The following NPHP3 variants were observed in gnomAD, a reference collection of about 807,000 sequenced individuals.
NPHP3 encodes the protein nephrocystin 3.
A neutral mutation model predicts 171.9 loss-of-function variants in NPHP3; 123 were observed. That is an observed-to-expected ratio of 0.72 (90% CI 0.62 to 0.83). The LOEUF (loss-of-function observed/expected upper bound fraction) is 0.83, where lower values mean the gene tolerates loss of function less well. Among genes scored for constraint, NPHP3 ranks in the 40% least tolerant of loss-of-function variants. NPHP3 has a pLI of 0.00. For synonymous variants in NPHP3, 558 were observed against 579.2 expected (o/e 0.96, Z 0.52); for missense variants, 1,506 against 1,591.9 (o/e 0.95, Z 0.92).
chr3:132,685,288 ATTT>A (rs1024995964), intron 23 of NPHP3: 6 of 156,488 alleles, frequency 3.8e-5, no homozygotes, highest in African/African-American at 1.4e-4. Flanking sequence ...TAATTTATTA[ATTT>A]TTTTTGTAGA....
At position 132,696,797 on chromosome 3, in the gene NPHP3, C is replaced by T. The variant is rs889394540; in HGVS notation, c.2105G>A (p.Arg702Gln). Residue 702 changes from arginine (R) to glutamine (Q), a missense_variant, in exon 15 of 27, where the codon CGA becomes CAA. Around this residue, in one of 3 missense-constraint regions of NPHP3, gnomAD observed 930 missense variants for 924.9 expected, o/e 1.01. Transcript: ENST00000337331. ...LSKEQEKKLE[R>Q]HCRSATTCNA... ...GCAGGTTGTAGCAGAACGACAGTGT[C>T]GTTCTAGCTTCTTCTCCTGCACCAG... 4.3e-6 allele frequency: 7 copies of T among 1,613,874 alleles called. No homozygotes were observed. The highest frequency in any genetic ancestry group is 2.2e-5 in the East Asian group (1 of 44,866).
At position 132,697,362 on chromosome 3, in the gene NPHP3, C is replaced by T. The variant is rs77533254; in HGVS notation, c.1986G>A (p.Arg662=). ...VNVETCPPAW[R]LWPTLHLDPL... ...GATCAAGATGAAGTGTAGGCCACAA[C>T]CTTTTATGTAAAGAAAAGAAAAATG... Residue 662 remains arginine, a splice_region_variant and synonymous_variant, in exon 14 of 27, where the codon AGG becomes AGA. Coordinates refer to ENST00000337331, the MANE Select transcript of NPHP3 (RefSeq NM_153240.5). The T allele has an allele frequency of 2.5e-3, 3,951 of 1,593,446 alleles. 85 individuals carry two copies. In the African/African-American group the frequency reaches 0.047, roughly 19 times the overall value.
In NPHP3 at chr3:132,681,878, G is replaced by A. The variant is rs774591752; in HGVS notation, c.*32C>T. On this transcript the variant is annotated 3_prime_UTR_variant, in exon 27 of 27. Coordinates refer to ENST00000337331, the MANE Select transcript of NPHP3 (RefSeq NM_153240.5). ...CAAATGTTTAATTATTTTGTCTTAA[G>A]GTACATTTGCAAAGAATTCTAACTG... 5 of 1,571,242 alleles carry A rather than the reference G, an allele frequency of 3.2e-6. No homozygotes were observed. In the South Asian group the frequency reaches 5.5e-5, roughly 17 times the overall value.
At position 132,716,852 on chromosome 3, in the gene NPHP3, A is replaced by G. The variant is rs1940065565; in HGVS notation, c.728T>C (p.Ile243Thr). ...TGGALGSEPS[I>T]GSMIQLQQSF... ...CTGCTGAAGCTGGATCATGCTTCCT[A>G]TGGAAGGTTCACTTCCCAAGGCTCC... Residue 243 changes from isoleucine to threonine, a missense_variant, in exon 4 of 27, where the codon ATA (isoleucine) becomes ACA (threonine). This residue lies in a region of NPHP3 where 930 missense variants were observed against 924.9 expected (regional missense o/e 1.01). Transcript: ENST00000337331. The G allele has an allele frequency of 2.5e-6, 4 of 1,613,996 alleles. No individual in the cohort carries two copies. The highest frequency in any genetic ancestry group is 2.2e-5 in the South Asian group (2 of 91,090).
Position 132,716,695 on chromosome 3 carries a change from A to G in NPHP3, c.823+62T>C. 14 of 1,557,356 alleles carry G rather than the reference A, an allele frequency of 9.0e-6. No homozygotes were observed. In the South Asian group the frequency reaches 1.6e-4, roughly 17 times the overall value. ...TAATGGTATTAATAGTTCCAGCACA[A>G]GATTATAAAACATGAACAGTCACTA... On this transcript the variant is annotated intron_variant, in intron 4 of 26. Coordinates refer to ENST00000337331, the MANE Select transcript of NPHP3 (RefSeq NM_153240.5).
At chr3:132,703,370 T>A (rs947651461) in intron 9 of NPHP3, among the ~76,000 whole-genome samples, 3 of 152,170 alleles carry the variant, frequency 2.0e-5, no homozygotes, top group Non-Finnish European at 4.4e-5. Flanking sequence ...ACTATTATAT[T>A]TTTTTAACTT....
At chr3:132,701,286 G>A in intron 10 of NPHP3, 144 bp downstream of exon 10, 1 of 638,166 alleles carries the variant, frequency 1.6e-6, no homozygotes, top group Non-Finnish European at 2.9e-6. Flanking sequence ...TGCATTTCAG[G>A]GCATGAACCT....
At chr3:132,704,139 C>T (rs1380761834) in intron 9 of NPHP3, 59 bp downstream of exon 9, 1 of 1,474,536 alleles carries the variant, frequency 6.8e-7, no homozygotes, top group Non-Finnish European at 9.5e-7. Flanking sequence ...AAAATACAAT[C>T]ATAATACAGC....
At chr3:132,708,071 G>C (rs751644883) in intron 7 of NPHP3, 30 bp downstream of exon 7, 204 of 1,610,604 alleles carry the variant, frequency 1.3e-4, no homozygotes, top group Non-Finnish European at 1.6e-4. Context: ...TCAGCTAAGT[G>C]TGTTTTTCAA....
In NPHP3 at chr3:132,692,808, A is replaced by C. The variant is rs1359908663; in HGVS notation, c.2321T>G (p.Leu774Arg). 9 of 1,613,862 alleles carry C rather than the reference A, an allele frequency of 5.6e-6. No individual in the cohort carries two copies. Among genetic ancestry groups the C allele is most frequent in the Non-Finnish European group, 7.6e-6 (9 of 1,179,876 alleles). Residue 774 changes from leucine (L) to arginine (R), a missense_variant, in exon 17 of 27, where the codon CTT becomes CGT. Leu to Arg is a moderately radical substitution (Grantham distance 102, BLOSUM62 -2). Transcript: ENST00000337331. Reference protein sequence around the residue: ...DKELMKQILCLVNVSHNGVSE... With the variant: ...DKELMKQILCRVNVSHNGVSE... ...CACACCATTGTGACTAACATTGACA[A>C]GGCAGAGGATCTAGGTAGAAAAACA...
Position 132,721,962 on chromosome 3 carries a change from C to G in NPHP3, c.393+1G>C, listed in dbSNP as rs754332448. The G allele has an allele frequency of 3.1e-6, 5 of 1,612,504 alleles. No individual in the cohort carries two copies. Among genetic ancestry groups the G allele is most frequent in the Non-Finnish European group, 4.2e-6 (5 of 1,179,826 alleles). On this transcript the variant is annotated splice_donor_variant, in intron 1 of 26. Coordinates refer to ENST00000337331, the MANE Select transcript of NPHP3 (RefSeq NM_153240.5). LOFTEE classifies it high-confidence loss of function. ...GGCGTCGCGGCCCAGCCCGGCGTTA[C>G]CTGCAGTTCGGCCCGCAGCCGCTTG... is the stretch of plus-strand genomic sequence containing the variant.
chr3:132,719,047 T>C lies in NPHP3; in HGVS notation c.617A>G (p.Gln206Arg). ...KLQRLQAQGI[Q>R]VFDPGESDSD... The stretch of plus-strand genomic sequence containing the variant: ...ATCAGACTCCCCAGGATCAAATACT[T>C]GGATACCCTGAGCCTGTAGCCTCTG... Residue 206 changes from glutamine (Q) to arginine (R), a missense_variant, in exon 3 of 27, where the codon CAA (glutamine) becomes CGA (arginine). Around this residue, in one of 3 missense-constraint regions of NPHP3, gnomAD observed 930 missense variants for 924.9 expected, o/e 1.01. Coordinates refer to ENST00000337331, the MANE Select transcript of NPHP3 (RefSeq NM_153240.5). The C allele has an allele frequency of 6.2e-7, 1 of 1,614,088 alleles. No homozygotes were observed. Among genetic ancestry groups the C allele is most frequent in the South Asian group, 1.1e-5 (1 of 91,078 alleles).
In NPHP3 at chr3:132,683,404, G is replaced by T; in HGVS notation, c.3691C>A (p.Gln1231Lys). ...ALVNLAVLYS[Q>K]MKKHVEALPL... ...GTTAAAATATGGGAACTTACCATTT[G>T]GCTATAAAGAACAGCTAAGTTCACC... The change falls in exon 25 of 27, where the codon CAA becomes AAA. Residue 1231 changes from glutamine to lysine, a missense_variant. This residue lies in a region of NPHP3 where 569 missense variants were observed against 648.1 expected (regional missense o/e 0.88). Transcript: ENST00000337331. 6.2e-7 allele frequency: 1 copy of T among 1,612,478 alleles called. No homozygotes were observed. Among genetic ancestry groups the T allele is most frequent in the South Asian group, 1.1e-5 (1 of 91,002 alleles).
At chr3:132,690,499 G>C in intron 19 of NPHP3, 29 bp downstream of exon 19, 1 of 1,595,736 alleles carries the variant, frequency 6.3e-7, no homozygotes, top group Non-Finnish European at 8.6e-7. Context: ...CTCTCTTTCT[G>C]GGGAAAGATG....
At chr3:132,699,312 A>C (rs1226642621) in intron 13 of NPHP3, 41 bp downstream of exon 13, 2 of 1,362,990 alleles carry the variant, frequency 1.5e-6, no homozygotes, top group Non-Finnish European at 2.1e-6. Flanking sequence ...TGTACTTAAA[A>C]CATTTCATGT....
At chr3:132,719,298 T>C (rs1356428363) in intron 2 of NPHP3, among the ~76,000 whole-genome samples, 154 bp from the exon 3 acceptor site, 1 of 152,202 alleles carries the variant, frequency 6.6e-6, no homozygotes, top group Non-Finnish European at 1.5e-5. Context: ...ACCTTTACCT[T>C]ACTGTTTTGC....
chr3:132,718,177 T>C, intron 3 of NPHP3: 2 of 425,446 alleles, frequency 4.7e-6, no homozygotes, highest in Non-Finnish European at 9.3e-6. Context: ...AATGCATCCA[T>C]TTGTGAGAAT....
chr3:132,704,196 A>G lies in NPHP3; in HGVS notation c.1524+2T>C, dbSNP rs764021608. 1 of 1,614,064 alleles carries G rather than the reference A, an allele frequency of 6.2e-7. No individual in the cohort carries two copies. Among genetic ancestry groups the G allele is most frequent in the Non-Finnish European group, 8.5e-7 (1 of 1,179,896 alleles). On this transcript the variant is annotated splice_donor_variant, in intron 9 of 26. Coordinates refer to ENST00000337331, the MANE Select transcript of NPHP3 (RefSeq NM_153240.5). LOFTEE classifies it high-confidence loss of function. ...TGTTGCAATAATACTCCAAGCACTT[A>G]CTTTCTCAAATCCCAACTCATGGGC...
At chr3:132,712,003 T>C (rs1398539617) in intron 6 of NPHP3, among the ~76,000 whole-genome samples, 1 of 152,188 alleles carries the variant, frequency 6.6e-6, no homozygotes, top group Non-Finnish European at 1.5e-5. Context: ...TGGTCCACAA[T>C]TAAAAAAGCA....
Sources: allele counts gnomAD v4.1 joint callset (sites outside exome capture counted in the v4.1 genomes callset), GRCh38; gene constraint gnomAD v4.1.1; regional missense constraint gnomAD v4.1.1; transcripts MANE v1.5; gene names NCBI Gene and HGNC (gene_info 2026-07-23, HGNC 2026-07-21).